TNFRSF8: variants seen among roughly 807,000 people sequenced by gnomAD.
The protein encoded by TNFRSF8 is TNF receptor superfamily member 8.
TNFRSF8 carries 26 observed loss-of-function variants against 70.8 expected under a neutral mutation model. The observed-to-expected ratio is 0.37, with a 90% CI of 0.27 to 0.51. The LOEUF is 0.51. Ranked by LOEUF, TNFRSF8 falls within the 20% of genes least tolerant of loss-of-function variation. The pLI is 0.94. For synonymous variants in TNFRSF8, 356 were observed against 339.2 expected, an observed-to-expected ratio of 1.05 and a Z score of -0.54; for missense variants, 720 against 807.9, an observed-to-expected ratio of 0.89 and a Z score of 1.32.
At chr1:12,086,033 G>A (rs924117172) in intron 2 of TNFRSF8, among the ~76,000 whole-genome samples, 5 of 152,276 alleles carry the variant, frequency 3.3e-5, no homozygotes, top group African/African-American at 9.6e-5. Context: ...GCAAGTGGGC[G>A]GGCATCGTCT....
chr1:12,105,573 TCACACACA>T (rs34007480), intron 4 of TNFRSF8, among the ~76,000 whole-genome samples: 2 of 147,464 alleles, frequency 1.4e-5, no homozygotes, highest in Admixed American at 6.8e-5. Flanking sequence ...TCTCTCTGTC[TCACACACA>T]CACACACACA....
chr1:12,088,558 C>T lies in TNFRSF8; in HGVS notation c.151+4007C>T, dbSNP rs2100973979. Among the ~76,000 whole-genome samples the T allele has an allele frequency of 6.6e-6, 1 of 152,316 alleles. No homozygotes were observed. The highest frequency in any genetic ancestry group is 1.9e-4 in the East Asian group (1 of 5,182). ...AGAGCTAATGCGGGGGCTACAAAGC[C>T]CTTCCTGTTCTCCATCTTCCTGGAC... On this transcript the variant is annotated intron_variant, in intron 2 of 14. Coordinates refer to ENST00000263932, the MANE Select transcript of TNFRSF8 (RefSeq NM_001243.5). This position sits in a 1 kb window ranked among gnomAD's most constrained non-coding sequence, Gnocchi z 4.0.
At position 12,088,720 on chromosome 1, in the gene TNFRSF8, T is replaced by C. The variant is rs1452865994; in HGVS notation, c.151+4169T>C. On this transcript the variant is annotated intron_variant, in intron 2 of 14. Coordinates refer to ENST00000263932, the MANE Select transcript of TNFRSF8 (RefSeq NM_001243.5). The surrounding 1 kb of genome is among the most constrained non-coding windows in gnomAD (Gnocchi z 4.0). ...TAGGGAGCATGGCAGGTGTATCCCATCTTGTCCCAGGAGCTGAGGGTTCCT... is the reference window on the plus strand; with the variant it reads ...TAGGGAGCATGGCAGGTGTATCCCACCTTGTCCCAGGAGCTGAGGGTTCCT... Among the ~76,000 whole-genome samples the C allele has an allele frequency of 6.6e-6, 1 of 152,186 alleles. No homozygotes were observed. Among genetic ancestry groups the C allele is most frequent in the Non-Finnish European group, 1.5e-5 (1 of 68,026 alleles).
intron 10 of TNFRSF8, 84 bp downstream of exon 10, chr1:12,123,911 T>C (rs1641882452): frequency 1.6e-6 from 2 of 1,220,898 alleles, no homozygotes; most frequent in Non-Finnish European, 2.3e-6. Context: ...AGGAGGGAGC[T>C]TCTCCTTTGT....
Position 12,141,393 on chromosome 1 carries a change from G to A in TNFRSF8, c.1544-894G>A, listed in dbSNP as rs1570094367. On this transcript the variant is annotated intron_variant, in intron 14 of 14. Coordinates refer to ENST00000263932, the MANE Select transcript of TNFRSF8 (RefSeq NM_001243.5). The surrounding 1 kb of genome is among the most constrained non-coding windows in gnomAD (Gnocchi z 5.4). The stretch of plus-strand genomic sequence containing the variant: ...CGGGCCACTGAACCTGAGCCCCCAT[G>A]TCCCCTCTATCAGAAGGCCACACCA... Among the ~76,000 whole-genome samples, 2 of 152,320 alleles carry A rather than the reference G, an allele frequency of 1.3e-5. No individual in the cohort carries two copies. The highest frequency in any genetic ancestry group is 3.9e-4 in the East Asian group (2 of 5,178).
rs1012676893 is a variant in TNFRSF8, at chr1:12,125,837, G to T, written c.1154-114G>T. ...AGCCTTGGCTTGGAAAGGACCTGTT[G>T]TTGTTAGCCATGATGGAAGCTGTGT... On this transcript the variant is annotated intron_variant, in intron 10 of 14. Transcript: ENST00000263932. 3 of 844,928 alleles carry T rather than the reference G, an allele frequency of 3.6e-6. No homozygotes were observed. The Admixed American group carries it at 5.2e-5, about 15-fold the overall frequency. 52.3% of individuals were successfully genotyped at this position (844,928 alleles called of 1,614,324 possible).
chr1:12,092,930 C>T (rs982721522), intron 2 of TNFRSF8, among the ~76,000 whole-genome samples: 1 of 152,084 alleles, frequency 6.6e-6, no homozygotes, highest in South Asian at 2.1e-4. Flanking sequence ...CCCAGCCTCC[C>T]GAGTAGCTGG....
chr1:12,129,790 C>T (rs535696093), intron 12 of TNFRSF8, among the ~76,000 whole-genome samples: 18 of 152,292 alleles, frequency 1.2e-4, no homozygotes, highest in African/African-American at 4.1e-4. Flanking sequence ...GATGTCCTGC[C>T]GGGCCTCTCC....
chr1:12,125,868 GAGA>G, intron 10 of TNFRSF8, 80 bp from the exon 11 acceptor site: 1 of 1,056,732 alleles, frequency 9.5e-7, no homozygotes, highest in Non-Finnish European at 1.5e-6. Context: ...TGTGTCCCAG[GAGA>G]AGGAGGAAGT....
At position 12,126,191 on chromosome 1, in the gene TNFRSF8, C is replaced by A; in HGVS notation, c.1264C>A (p.Leu422Met). ...CRKRIRQKLH[L>M]CYPVQTSQPK... The stretch of plus-strand genomic sequence containing the variant: ...TCCTGGTGTCGTTTCAGAGCTCCAC[C>A]TGTGCTACCCGGTCCAGACCTCCCA... Residue 422 changes from leucine (L) to methionine (M), a missense_variant, in exon 12 of 15, where the codon CTG (leucine) becomes ATG (methionine). Transcript: ENST00000263932. The A allele has an allele frequency of 6.2e-7, 1 of 1,614,188 alleles. No homozygotes were observed.
rs976096985 is a variant in TNFRSF8, at chr1:12,088,260, C to G, written c.151+3709C>G. 6.6e-6 allele frequency among the ~76,000 whole-genome samples: 1 copy of G among 152,184 alleles called. No homozygotes were observed. Among genetic ancestry groups the G allele is most frequent in the Non-Finnish European group, 1.5e-5 (1 of 68,040 alleles). ...GGGGAGCTCATTCACTGACTCATAA[C>G]AATGACCACGATTCATACCGATGGA... is the stretch of plus-strand genomic sequence containing the variant. On this transcript the variant is annotated intron_variant, in intron 2 of 14. Transcript: ENST00000263932. This position sits in a 1 kb window ranked among gnomAD's most constrained non-coding sequence, Gnocchi z 4.0.
chr1:12,077,594 G>T (rs1640988114), intron 1 of TNFRSF8, among the ~76,000 whole-genome samples: 1 of 152,194 alleles, frequency 6.6e-6, no homozygotes, highest in African/African-American at 2.4e-5. Flanking sequence ...GTCCCTTAAA[G>T]CTTCCGCTAG....
intron 8 of TNFRSF8, among the ~76,000 whole-genome samples, chr1:12,121,432 G>T (rs1473342397): frequency 6.6e-6 from 1 of 152,166 alleles, no homozygotes; most frequent in African/African-American, 2.4e-5. Context: ...GGGCTCTGGG[G>T]GTGGAGAGGT....
In TNFRSF8 at chr1:12,141,951, C is replaced by T. The variant is rs1234151451; in HGVS notation, c.1544-336C>T. Among the ~76,000 whole-genome samples the T allele has an allele frequency of 6.6e-6, 1 of 152,200 alleles. No homozygotes were observed. The highest frequency in any genetic ancestry group is 1.5e-5 in the Non-Finnish European group (1 of 68,034). On this transcript the variant is annotated intron_variant, in intron 14 of 14. Transcript: ENST00000263932. The surrounding 1 kb of genome is among the most constrained non-coding windows in gnomAD (Gnocchi z 5.4). ...AAACTGCTCAGCTCTGCTGTTTCTG[C>T]TCGTGCTCTGGTTACCCACGGCTTT... is the stretch of plus-strand genomic sequence containing the variant.
At chr1:12,105,186 G>A (rs1009435755) in intron 4 of TNFRSF8, among the ~76,000 whole-genome samples, 10 of 152,128 alleles carry the variant, frequency 6.6e-5, no homozygotes, top group Non-Finnish European at 1.3e-4. Context: ...CAGACTGTAT[G>A]GAGCCGGGGA....
At chr1:12,091,611 G>C (rs931272) in intron 2 of TNFRSF8, among the ~76,000 whole-genome samples, 1,653 of 152,298 alleles carry the variant, frequency 0.011, 27 homozygotes, top group African/African-American at 0.037. Flanking sequence ...ATTTCAGCCT[G>C]ATCTGGCTGG....
chr1:12,131,093 T>A (rs1027230680), intron 12 of TNFRSF8, among the ~76,000 whole-genome samples: 2 of 152,222 alleles, frequency 1.3e-5, no homozygotes, highest in African/African-American at 4.8e-5. Context: ...GGGCTTTTCC[T>A]GAACCTGCTG....
rs897936799 is a variant in TNFRSF8, at chr1:12,141,128, G to A, written c.1544-1159G>A. Among the ~76,000 whole-genome samples, 2 of 152,172 alleles carry A rather than the reference G, an allele frequency of 1.3e-5. No individual in the cohort carries two copies. Among genetic ancestry groups the A allele is most frequent in the Non-Finnish European group, 2.9e-5 (2 of 68,034 alleles). ...ATAGAAGAACCAGCGTCATGCAATA[G>A]GGTTGAGGGTGTGGGGGACTCGAGA... On this transcript the variant is annotated intron_variant, in intron 14 of 14. Coordinates refer to ENST00000263932, the MANE Select transcript of TNFRSF8 (RefSeq NM_001243.5). This position sits in a 1 kb window ranked among gnomAD's most constrained non-coding sequence, Gnocchi z 5.4.
At chr1:12,129,625 G>T (rs528327638) in intron 12 of TNFRSF8, among the ~76,000 whole-genome samples, 3 of 152,260 alleles carry the variant, frequency 2.0e-5, no homozygotes, top group African/African-American at 4.8e-5. Flanking sequence ...CTTGCTTTGG[G>T]TTTGTCTGGT....
Sources: allele counts gnomAD v4.1 joint callset (sites outside exome capture counted in the v4.1 genomes callset), GRCh38; gene constraint gnomAD v4.1.1; non-coding constraint Gnocchi (gnomAD v3.1); transcripts MANE v1.5; gene names NCBI Gene and HGNC (gene_info 2026-07-23, HGNC 2026-07-21).